Variants in KDM5D observed in about 807,000 individuals in gnomAD.
KDM5D encodes lysine-specific demethylase 5D.
In KDM5D, 25 loss-of-function variants were observed where a neutral mutation model predicts 31.9. The ratio of observed to expected loss-of-function variants is 0.78; its 90% CI spans 0.57 to 1.09. KDM5D has a LOEUF of 1.09. Ranked by LOEUF, KDM5D falls within the 50% of genes least tolerant of loss-of-function variation. The pLI is 0.00. For synonymous variants in KDM5D, 146 were observed against 122.3 expected (o/e 1.19, Z -1.28); for missense variants, 366 against 341.6 (o/e 1.07, Z -0.56).
intron 11 of KDM5D, chrY:19,723,418 C>T: frequency 2.2e-5 from 2 of 90,825 alleles, no homozygotes; most frequent in South Asian, 1.2e-4. Context: ...CTGGTCAACA[C>T]AGTGAGACTT....
chrY:19,741,619 C>T, intron 4 of KDM5D, 116 bp downstream of exon 4: 2 of 244,400 alleles, frequency 8.2e-6, no homozygotes, highest in Non-Finnish European at 6.5e-6. Flanking sequence ...TCAAAGATTA[C>T]GTCAAGAAAC....
chrY:19,713,113 G>C, intron 18 of KDM5D, among the ~76,000 whole-genome samples: 1 of 33,579 alleles, frequency 3.0e-5, no homozygotes, highest in African/African-American at 1.2e-4. Context: ...ATCTGGCTGA[G>C]CCATATGCAG....
At position 19,721,222 on chromosome Y, in the gene KDM5D, C is replaced by T; in HGVS notation, c.1461G>A (p.Met487Ile). Residue 487 changes from methionine (M) to isoleucine (I), a missense_variant, in exon 12 of 27, where the codon ATG (methionine) becomes ATA (isoleucine). By Grantham distance (10) the Met-to-Ile change is conservative. Coordinates refer to ENST00000317961, the MANE Select transcript of KDM5D (RefSeq NM_004653.5). Reference sequence around the variant, plus strand: ...TGCCCACGTACAGCCAGGGCACCTTCATGCCTGAGATGTCTGCATTGATGT... The same window carrying T: ...TGCCCACGTACAGCCAGGGCACCTTTATGCCTGAGATGTCTGCATTGATGT... ...LCHINADISG[M>I]KVPWLYVGMV... The T allele has an allele frequency of 2.5e-6, 1 of 397,646 alleles. No individual in the cohort carries two copies. Among genetic ancestry groups the T allele is most frequent in the Non-Finnish European group, 3.5e-6 (1 of 282,501 alleles).
At position 19,704,898 on chromosome Y, in the gene KDM5D, T is replaced by C; in HGVS notation, c.*1097A>G. On this transcript the variant is annotated 3_prime_UTR_variant, in exon 27 of 27. Coordinates refer to ENST00000317961, the MANE Select transcript of KDM5D (RefSeq NM_004653.5). Reference sequence around the variant, plus strand: ...ATTCACCAGTTGAAAGAACAGAAAATATTGAGGGAGATAACTTGTGTCAGT... The same window carrying C: ...ATTCACCAGTTGAAAGAACAGAAAACATTGAGGGAGATAACTTGTGTCAGT... The C allele has an allele frequency of 3.0e-5, 1 of 33,529 alleles. No homozygotes were observed. 8.4% of individuals were successfully genotyped at this position (33,529 alleles called of 400,897 possible).
chrY:19,730,872 C>T (rs2045468237), intron 11 of KDM5D, among the ~76,000 whole-genome samples: 1 of 33,328 alleles, frequency 3.0e-5, no homozygotes, highest in African/African-American at 1.2e-4. Flanking sequence ...AGTGAAAGTA[C>T]AGTATTGCTC....
chrY:19,741,446 G>A lies in KDM5D; in HGVS notation c.394C>T (p.Arg132Cys). The A allele has an allele frequency of 2.5e-6, 1 of 395,509 alleles. No homozygotes were observed. Among genetic ancestry groups the A allele is most frequent in the Non-Finnish European group, 3.6e-6 (1 of 280,907 alleles). The stretch of plus-strand genomic sequence containing the variant: ...CGCTGGGCAACTCGAGCCCACCGAC[G>A]ATCCTTGCAGATGGCTTCATAGCCA... ...EGGYEAICKD[R>C]RWARVAQRLH... The change falls in exon 5 of 27, where the codon CGT becomes TGT. Residue 132 changes from arginine to cysteine, a missense_variant. By Grantham distance (180) the Arg-to-Cys change is radical (BLOSUM62 -3). Transcript: ENST00000317961.
intron 6 of KDM5D, among the ~76,000 whole-genome samples, chrY:19,738,263 C>T (rs2045523163): frequency 3.0e-5 from 1 of 33,591 alleles, no homozygotes; most frequent in Non-Finnish European, 7.4e-5. Context: ...TACTGGTTTC[C>T]TAGTTATTAC....
intron 18 of KDM5D, among the ~76,000 whole-genome samples, chrY:19,713,462 A>C (rs2045312988): frequency 5.9e-5 from 2 of 33,834 alleles, no homozygotes; most frequent in African/African-American, 2.3e-4. Flanking sequence ...AGAAGAAAAC[A>C]ACCCCATTAC....
intron 24 of KDM5D, 81 bp downstream of exon 24, chrY:19,707,066 C>T: frequency 2.9e-6 from 1 of 344,667 alleles, no homozygotes; most frequent in South Asian, 3.4e-5. Context: ...AACTGGGGAA[C>T]AGGGACAAGA....
chrY:19,709,870 T>C, intron 19 of KDM5D, 61 bp from the exon 20 acceptor site: 1 of 379,008 alleles, frequency 2.6e-6, no homozygotes, highest in African/African-American at 6.3e-5. Flanking sequence ...ACCACCTAGA[T>C]TTGCTCCACT....
At chrY:19,727,359 C>G in intron 11 of KDM5D, among the ~76,000 whole-genome samples, 1 of 33,835 alleles carries the variant, frequency 3.0e-5, no homozygotes, top group Non-Finnish European at 7.4e-5. Context: ...GAGTTCTTAT[C>G]TATCAGCCAT....
intron 5 of KDM5D, among the ~76,000 whole-genome samples, chrY:19,740,502 C>G: frequency 3.1e-5 from 1 of 32,625 alleles, no homozygotes; most frequent in Non-Finnish European, 7.5e-5. Context: ...AGGTGGAGGC[C>G]GCCTGGCCAG....
chrY:19,720,766 C>T, intron 13 of KDM5D, 106 bp downstream of exon 13: 1 of 237,221 alleles, frequency 4.2e-6, no homozygotes, highest in Non-Finnish European at 7.0e-6. Context: ...GCCTAATCTC[C>T]ATAGCAAAAT....
chrY:19,722,445 A>G (rs2124196513), intron 11 of KDM5D: 1 of 33,630 alleles, frequency 3.0e-5, no homozygotes, highest in South Asian at 6.5e-4. Flanking sequence ...AAAAGAAGAC[A>G]TAAGAGGAAA....
intron 8 of KDM5D, 66 bp from the exon 9 acceptor site, chrY:19,732,808 C>A (rs2045482722): frequency 4.6e-6 from 1 of 218,131 alleles, no homozygotes; most frequent in Admixed American, 1.1e-4. Context: ...TCGCAGGTTT[C>A]TAGACCATTC....
At chrY:19,710,640 G>T (rs2045291553) in intron 18 of KDM5D, 168 bp from the exon 19 acceptor site, 1 of 147,532 alleles carries the variant, frequency 6.8e-6, no homozygotes, top group Middle Eastern at 1.8e-3. Context: ...GCGTTTGACA[G>T]CAGTTAATAG....
intron 11 of KDM5D, among the ~76,000 whole-genome samples, chrY:19,731,325 C>T (rs2045470019): frequency 3.0e-5 from 1 of 33,077 alleles, no homozygotes; most frequent in Non-Finnish European, 7.5e-5. Flanking sequence ...TACAAGAAAT[C>T]ACTTTGTAAT....
chrY:19,710,582 C>A (rs2045290896), intron 18 of KDM5D, 110 bp from the exon 19 acceptor site: 1 of 185,241 alleles, frequency 5.4e-6, no homozygotes, highest in Non-Finnish European at 9.9e-6. Flanking sequence ...AGGTTTTTTT[C>A]TAAGTTCAGC....
chrY:19,735,742 A>G lies in KDM5D; in HGVS notation c.666T>C (p.Pro222=). Residue 222 remains proline (P), a synonymous_variant, in exon 7 of 27, where the codon CCT becomes CCC. Transcript: ENST00000317961. ...GATGCTTCTCAATGTCCTCCTCTGT[A>G]GGCTCTGGCTGTTTTAAAAAAGATT... The part of the protein sequence containing the change: ...RAKRLQPDPE[P]TEEDIEKHPE... 1 of 389,221 alleles carries G rather than the reference A, an allele frequency of 2.6e-6. No individual in the cohort carries two copies. Among genetic ancestry groups the G allele is most frequent in the African/African-American group, 6.2e-5 (1 of 16,071 alleles).
Sources: gnomAD v4.1 joint callset for allele counts (sites outside exome capture counted in the v4.1 genomes callset) on GRCh38, gnomAD v4.1.1 for gene constraint, MANE v1.5 for transcripts, NCBI Gene and HGNC (gene_info 2026-07-23, HGNC 2026-07-21) for gene names.